SOX5: variants seen among roughly 807,000 people sequenced by gnomAD.
The protein encoded by SOX5 is transcription factor SOX-5.
A neutral mutation model predicts 92.0 loss-of-function variants in SOX5; 9 were observed. The ratio of observed to expected loss-of-function variants is 0.10; its 90% CI spans 0.06 to 0.17. The LOEUF (loss-of-function observed/expected upper bound fraction) is 0.17. SOX5 is among the 10% of genes least tolerant of loss of function. The pLI is 1.00. For missense variants in SOX5, 642 were observed against 944.5 expected (o/e 0.68, Z 4.20); for synonymous variants, 344 against 336.3 (o/e 1.02, Z -0.25).
At chr12:24,374,006 C>G (rs1956994171) in intron 1 of SOX5, among the ~76,000 whole-genome samples, 1 of 152,106 alleles carries the variant, frequency 6.6e-6, no homozygotes, top group Admixed American at 6.5e-5. Context: ...GTGAAGATCT[C>G]CAAGATATGT....
At chr12:23,979,698 G>GTTTTT (rs67253622) in intron 4 of SOX5, among the ~76,000 whole-genome samples, 3,140 of 64,698 alleles carry the variant, frequency 0.049, 1,089 homozygotes, top group Non-Finnish European at 0.058. Flanking sequence ...ATATATATAT[G>GTTTTT]TTTTTTTTGT....
At chr12:23,932,185 G>T (rs1363868665) in intron 1 of SOX5, among the ~76,000 whole-genome samples, 1 of 151,496 alleles carries the variant, frequency 6.6e-6, no homozygotes, top group Non-Finnish European at 1.5e-5. Flanking sequence ...TGTCTTAAGA[G>T]CCCTGTATCT....
At chr12:24,109,317 C>CAA (rs1003093246) in intron 4 of SOX5, among the ~76,000 whole-genome samples, 7 of 152,092 alleles carry the variant, frequency 4.6e-5, no homozygotes, top group Non-Finnish European at 1.0e-4. Context: ...GAGAAAACCA[C>CAA]AAAATAATTG....
At chr12:24,247,179 G>T (rs970941939) in intron 3 of SOX5, among the ~76,000 whole-genome samples, 2 of 152,112 alleles carry the variant, frequency 1.3e-5, no homozygotes, top group African/African-American at 4.8e-5. Context: ...GACATCAACA[G>T]GGGGAATAAA....
intron 6 of SOX5, among the ~76,000 whole-genome samples, chr12:23,666,430 A>G (rs10771017): frequency 0.65 from 99,319 of 152,034 alleles, 32,474 homozygotes; most frequent in African/African-American, 0.69. Context: ...GAATTTTTAG[A>G]AATACAACCT....
chr12:24,015,090 TTCTG>T (rs369743827), intron 4 of SOX5, among the ~76,000 whole-genome samples: 7 of 151,988 alleles, frequency 4.6e-5, no homozygotes, highest in Admixed American at 1.3e-4. Context: ...CTCTTTCTCT[TTCTG>T]TCTCTCTCTC....
intron 1 of SOX5, among the ~76,000 whole-genome samples, chr12:24,440,929 T>C (rs894279973): frequency 7.9e-5 from 12 of 152,318 alleles, no homozygotes; most frequent in Admixed American, 2.6e-4. Context: ...GATATCCTGG[T>C]GTTTAAGAAA....
intron 1 of SOX5, among the ~76,000 whole-genome samples, chr12:24,435,026 A>C (rs1939138899): frequency 6.6e-6 from 1 of 152,224 alleles, no homozygotes. Context: ...ACTACATTGC[A>C]GATACTTTGA....
intron 1 of SOX5, among the ~76,000 whole-genome samples, chr12:24,540,053 A>G (rs1951979436): frequency 6.6e-6 from 1 of 152,128 alleles, no homozygotes; most frequent in Non-Finnish European, 1.5e-5. Context: ...AAAAATTAAT[A>G]TGCATTATGT....
chr12:23,804,915 TTATATATA>T (rs528741802), intron 3 of SOX5, among the ~76,000 whole-genome samples: 933 of 74,890 alleles, frequency 0.012, 15 homozygotes, highest in African/African-American at 0.015. Flanking sequence ...TATCATTGTT[TTATATATA>T]TATATATATA....
At chr12:23,827,917 T>G (rs1007564059) in intron 3 of SOX5, among the ~76,000 whole-genome samples, 3 of 152,182 alleles carry the variant, frequency 2.0e-5, no homozygotes, top group African/African-American at 7.2e-5. Context: ...ATTCAGAAAT[T>G]TGCTGAACTA....
At chr12:23,824,042 C>G (rs2096180276) in intron 3 of SOX5, among the ~76,000 whole-genome samples, 1 of 152,156 alleles carries the variant, frequency 6.6e-6, no homozygotes, top group South Asian at 2.1e-4. Flanking sequence ...TTCTTAGTTT[C>G]CTTGCATTGG....
intron 4 of SOX5, chr12:24,213,336 T>G (rs1400678262): frequency 1.5e-4 from 23 of 149,868 alleles, no homozygotes; most frequent in African/African-American, 5.4e-4. Flanking sequence ...AATGTAAATG[T>G]CCTGACCTGC....
rs148136324 is a variant in SOX5 at position 24,458,850 on chromosome 12, A to G, written c.-250-90211T>C. On this transcript the variant is annotated intron_variant, in intron 1 of 4. Transcript: ENST00000446891. ...GAGCCATGTTTATGACTTTCACCTT[A>G]TTAACTGGAATTCTAGAACATTCCA... Among the ~76,000 whole-genome samples, 24 of 152,292 alleles carry G rather than the reference A, an allele frequency of 1.6e-4. No homozygotes were observed. The East Asian group carries it at 4.6e-3, about 29-fold the overall frequency.
intron 3 of SOX5, among the ~76,000 whole-genome samples, chr12:24,275,670 T>C (rs1407318316): frequency 6.6e-6 from 1 of 152,170 alleles, no homozygotes; most frequent in Non-Finnish European, 1.5e-5. Flanking sequence ...AAATTTTATC[T>C]TGTTTAAACT....
chr12:23,914,000 C>T (rs1352578578), intron 1 of SOX5, among the ~76,000 whole-genome samples: 2 of 152,134 alleles, frequency 1.3e-5, no homozygotes, highest in Non-Finnish European at 2.9e-5. Flanking sequence ...GGAAAGGTAA[C>T]TCAACCTTCA....
chr12:23,955,572 A>G (rs889250079), upstream of SOX5, among the ~76,000 whole-genome samples: 4 of 152,178 alleles, frequency 2.6e-5, no homozygotes, highest in African/African-American at 9.7e-5. Context: ...AAGGTTGTCA[A>G]TTAGGAAAAT....
intron 1 of SOX5, among the ~76,000 whole-genome samples, chr12:23,897,949 C>T (rs1288464913): frequency 6.6e-6 from 1 of 152,130 alleles, no homozygotes; most frequent in Non-Finnish European, 1.5e-5. Context: ...TCCAAGTATA[C>T]TCTAAGTATG....
intron 3 of SOX5, among the ~76,000 whole-genome samples, chr12:23,822,274 C>G (rs2096135020): frequency 6.6e-6 from 1 of 152,158 alleles, no homozygotes. Context: ...CTATAAATTT[C>G]CCTCTAAATA....
Sources: gnomAD v4.1 joint callset for allele counts (sites outside exome capture counted in the v4.1 genomes callset) on GRCh38, gnomAD v4.1.1 for gene constraint, MANE v1.5 for transcripts, NCBI Gene and HGNC (gene_info 2026-07-23, HGNC 2026-07-21) for gene names.